The following SHC4 variants were observed in gnomAD, a reference collection of about 807,000 sequenced individuals.
The protein encoded by SHC4 is SHC-transforming protein 4.
A neutral mutation model predicts 69.4 loss-of-function variants in SHC4; 41 were observed. The ratio of observed to expected loss-of-function variants is 0.59; its 90% CI spans 0.46 to 0.77. SHC4 has a LOEUF of 0.77. Among genes scored for constraint, SHC4 ranks in the 30% least tolerant of loss-of-function variants. The pLI is 0.00. For synonymous variants in SHC4, 318 were observed against 299.3 expected (o/e 1.06, Z -0.64); for missense variants, 777 against 783.8 (o/e 0.99, Z 0.10).
chr15:48,884,077 T>G (rs1950045675), intron 4 of SHC4, among the ~76,000 whole-genome samples, 171 bp downstream of exon 4: 1 of 152,246 alleles, frequency 6.6e-6, no homozygotes, highest in Non-Finnish European at 1.5e-5. Context: ...AGTGATGGGT[T>G]AGTAATGCTG....
At chr15:48,849,374 G>C (rs943617303) in intron 9 of SHC4, among the ~76,000 whole-genome samples, 2 of 152,044 alleles carry the variant, frequency 1.3e-5, no homozygotes, top group Non-Finnish European at 2.9e-5. Flanking sequence ...CCCCAATTAA[G>C]TTAGGTTTCC....
intron 2 of SHC4, among the ~76,000 whole-genome samples, chr15:48,914,737 AAT>A (rs1316412590): frequency 6.6e-6 from 1 of 152,222 alleles, no homozygotes; most frequent in East Asian, 1.9e-4. Flanking sequence ...TGCTGTTTTA[AAT>A]ATATATAATA....
At chr15:48,924,482 G>A (rs56225916) in intron 2 of SHC4, among the ~76,000 whole-genome samples, 2,439 of 152,298 alleles carry the variant, frequency 0.016, 25 homozygotes, top group Non-Finnish European at 0.026. Context: ...AGTTTCTCAC[G>A]TCAGGAAGAG....
At chr15:48,862,984 C>T (rs1242741934) in intron 6 of SHC4, among the ~76,000 whole-genome samples, 1 of 151,588 alleles carries the variant, frequency 6.6e-6, no homozygotes, top group Non-Finnish European at 1.5e-5. Flanking sequence ...CTGCCTCCCT[C>T]CCCTCCCTGC....
Position 48,963,467 on chromosome 15 carries a change from G to A in SHC4, c.-452C>T. 5.9e-6 allele frequency: 1 copy of A among 168,600 alleles called. No homozygotes were observed. Among genetic ancestry groups the A allele is most frequent in the Non-Finnish European group, 1.3e-5 (1 of 78,888 alleles). 10.4% of individuals were successfully genotyped at this position (168,600 alleles called of 1,614,324 possible). On this transcript the variant is annotated 5_prime_UTR_variant, in exon 1 of 12. Transcript: ENST00000332408. The stretch of plus-strand genomic sequence containing the variant: ...TCTGCACACAGGAACTTTCGAACCT[G>A]CTCCCTTCGGCTCTCACAGGGCGGG...
intron 2 of SHC4, among the ~76,000 whole-genome samples, chr15:48,923,699 G>A (rs1438035350): frequency 7.1e-6 from 1 of 141,298 alleles, no homozygotes; most frequent in Non-Finnish European, 1.5e-5. Flanking sequence ...GAGTGTATTG[G>A]CACAATCATC....
chr15:48,890,711 AG>A, intron 3 of SHC4, 36 bp downstream of exon 3: 1 of 1,610,902 alleles, frequency 6.2e-7, no homozygotes, highest in Non-Finnish European at 8.5e-7. Context: ...TGCCATAATT[AG>A]GGAAACATAA....
intron 10 of SHC4, 23 bp from the exon 11 acceptor site, chr15:48,835,045 G>A: frequency 6.3e-7 from 1 of 1,592,316 alleles, no homozygotes; most frequent in East Asian, 2.3e-5. Flanking sequence ...CACAAAGAGA[G>A]ACATCATCGA....
rs575147451 is a variant in SHC4 at position 48,825,421 on chromosome 15, G to T, written c.*550C>A. ...GACATACACACAGTTCGAATTCAAT[G>T]TCATATTTATTTTAACATTGCAGTG... On this transcript the variant is annotated 3_prime_UTR_variant, in exon 12 of 12. Coordinates refer to ENST00000332408, the MANE Select transcript of SHC4 (RefSeq NM_203349.4). 6.6e-6 allele frequency: 1 copy of T among 152,626 alleles called. No individual in the cohort carries two copies. Among genetic ancestry groups the T allele is most frequent in the East Asian group, 1.9e-4 (1 of 5,188 alleles). The allele number at this position is 152,626 out of a possible 1,614,324, so 9.5% of individuals were successfully genotyped here.
intron 10 of SHC4, among the ~76,000 whole-genome samples, chr15:48,839,753 G>A (rs1341137761): frequency 6.6e-6 from 1 of 152,224 alleles, no homozygotes; most frequent in East Asian, 1.9e-4. Flanking sequence ...TCTAATCTTA[G>A]ATGCTGTAAT....
At chr15:48,858,655 T>A (rs1306691322) in intron 6 of SHC4, among the ~76,000 whole-genome samples, 2 of 152,216 alleles carry the variant, frequency 1.3e-5, no homozygotes, top group Non-Finnish European at 2.9e-5. Context: ...GTAACATCAT[T>A]CCTGCCTTGG....
chr15:48,865,844 C>G (rs1357510001), intron 6 of SHC4, among the ~76,000 whole-genome samples: 1 of 152,174 alleles, frequency 6.6e-6, no homozygotes, highest in African/African-American at 2.4e-5. Context: ...ACAAATGACT[C>G]AGGCACCAGA....
At chr15:48,911,005 A>C (rs1900499891) in intron 2 of SHC4, among the ~76,000 whole-genome samples, 1 of 152,150 alleles carries the variant, frequency 6.6e-6, no homozygotes, top group South Asian at 2.1e-4. Flanking sequence ...ATCTTGGAGA[A>C]AATTCCATGT....
At chr15:48,874,151 G>A (rs1899748683) in intron 4 of SHC4, among the ~76,000 whole-genome samples, 1 of 152,136 alleles carries the variant, frequency 6.6e-6, no homozygotes, top group African/African-American at 2.4e-5. Flanking sequence ...TGCACAAGAA[G>A]AGTTAGCGCA....
intron 2 of SHC4, among the ~76,000 whole-genome samples, chr15:48,901,448 C>T (rs1900316667): frequency 6.6e-6 from 1 of 152,090 alleles, no homozygotes; most frequent in Non-Finnish European, 1.5e-5. Context: ...TATGGGACTC[C>T]CTTTACGCTG....
chr15:48,955,855 T>A (rs1324006850), intron 1 of SHC4, among the ~76,000 whole-genome samples: 1 of 152,220 alleles, frequency 6.6e-6, no homozygotes, highest in Non-Finnish European at 1.5e-5. Flanking sequence ...TACACAGAAC[T>A]GGGAGCTCTT....
At position 48,962,708 on chromosome 15, in the gene SHC4, C is replaced by T; in HGVS notation, c.308G>A (p.Ser103Asn). Residue 103 changes from serine (S) to asparagine (N), a missense_variant, in exon 1 of 12, where the codon AGT becomes AAT. Physicochemically the swap from Ser to Asn is conservative, Grantham distance 46 (BLOSUM62 1). Coordinates refer to ENST00000332408, the MANE Select transcript of SHC4 (RefSeq NM_203349.4). ...MKLANPATLL[S>N]LKNFCLGTKE... ...GGTACCCAGGCAAAAGTTTTTCAGACTCAGCAAAGTGGCCGGGTTGGCCAG... is the reference window on the plus strand; with the variant it reads ...GGTACCCAGGCAAAAGTTTTTCAGATTCAGCAAAGTGGCCGGGTTGGCCAG... 1 of 1,614,120 alleles carries T rather than the reference C, an allele frequency of 6.2e-7. No homozygotes were observed. Among genetic ancestry groups the T allele is most frequent in the East Asian group, 2.2e-5 (1 of 44,866 alleles).
intron 6 of SHC4, among the ~76,000 whole-genome samples, chr15:48,867,475 A>G (rs1361512682): frequency 6.6e-6 from 1 of 152,172 alleles, no homozygotes; most frequent in Non-Finnish European, 1.5e-5. Context: ...ATGCAGGCCA[A>G]TAACCTCACT....
chr15:48,950,113 T>G (rs1172130308), intron 1 of SHC4, among the ~76,000 whole-genome samples: 2 of 143,984 alleles, frequency 1.4e-5, no homozygotes, highest in Non-Finnish European at 3.0e-5. Flanking sequence ...AAATACATAA[T>G]TATATAATAA....
Sources: allele counts gnomAD v4.1 joint callset (sites outside exome capture counted in the v4.1 genomes callset), GRCh38; gene constraint gnomAD v4.1.1; transcripts MANE v1.5; gene names NCBI Gene and HGNC (gene_info 2026-07-23, HGNC 2026-07-21).